Variants in SEMA3E observed in about 807,000 individuals in gnomAD.
SEMA3E encodes semaphorin-3E.
A neutral mutation model predicts 93.6 loss-of-function variants in SEMA3E; 49 were observed. The ratio of observed to expected loss-of-function variants is 0.52; its 90% CI spans 0.42 to 0.66. SEMA3E has a LOEUF of 0.66. Among genes scored for constraint, SEMA3E ranks in the 30% least tolerant of loss-of-function variants. The pLI is 0.00. For missense variants in SEMA3E, 906 were observed against 964.8 expected (o/e 0.94, Z 0.81); for synonymous variants, 363 against 330.7 (o/e 1.10, Z -1.06).
chr7:83,640,886 A>G (rs1326321280), intron 1 of SEMA3E, among the ~76,000 whole-genome samples: 2 of 152,052 alleles, frequency 1.3e-5, no homozygotes, highest in Non-Finnish European at 2.9e-5. Context: ...GTATAGTGAT[A>G]ACCCAGAAAT....
At chr7:83,574,086 T>C (rs1216185509) in intron 1 of SEMA3E, among the ~76,000 whole-genome samples, 1 of 152,098 alleles carries the variant, frequency 6.6e-6, no homozygotes, top group Non-Finnish European at 1.5e-5. Context: ...AATACTATCC[T>C]TGACTTTTTC....
intron 1 of SEMA3E, among the ~76,000 whole-genome samples, chr7:83,529,194 A>G (rs762010866): frequency 6.6e-6 from 1 of 152,112 alleles, no homozygotes; most frequent in Non-Finnish European, 1.5e-5. Context: ...GATAAAGGGG[A>G]TGAAAGGTCA....
intron 1 of SEMA3E, among the ~76,000 whole-genome samples, chr7:83,537,075 TC>T (rs1791424083): frequency 6.6e-6 from 1 of 151,866 alleles, no homozygotes; most frequent in Non-Finnish European, 1.5e-5. Flanking sequence ...TTTCTTCTCT[TC>T]CCCTCTCTCT....
chr7:83,616,187 G>C (rs71557181), intron 1 of SEMA3E, among the ~76,000 whole-genome samples: 4,789 of 152,172 alleles, frequency 0.031, 97 homozygotes, highest in Non-Finnish European at 0.045. Flanking sequence ...TTGGCAAAGA[G>C]AGTATATGTA....
intron 2 of SEMA3E, among the ~76,000 whole-genome samples, chr7:83,479,307 C>T (rs1431911884): frequency 3.9e-5 from 6 of 152,192 alleles, no homozygotes; most frequent in Non-Finnish European, 5.9e-5. Flanking sequence ...TCCTCCGAAA[C>T]TTTCTTAGCA....
chr7:83,396,702 G>T lies in SEMA3E; in HGVS notation c.1394C>A (p.Thr465Lys). Residue 465 changes from threonine to lysine, a missense_variant, in exon 12 of 17, where the codon ACA becomes AAA. Physicochemically the swap from Thr to Lys is moderately conservative, Grantham distance 78. Transcript: ENST00000643230. ...TDNGIVLKVI[T>K]IYNQEMESME... ...TGATTCCATTTCTTGGTTGTAAATT[G>T]TGATTACTTTCAGCACAATTCCATT... is the stretch of plus-strand genomic sequence containing the variant. The T allele has an allele frequency of 1.2e-6, 2 of 1,604,022 alleles. No individual in the cohort carries two copies. The highest frequency in any genetic ancestry group is 1.7e-6 in the Non-Finnish European group (2 of 1,172,532).
chr7:83,423,354 C>T (rs1788706159), intron 4 of SEMA3E, among the ~76,000 whole-genome samples: 1 of 152,046 alleles, frequency 6.6e-6, no homozygotes, highest in Non-Finnish European at 1.5e-5. Flanking sequence ...TGACTAAACC[C>T]TCCTTTCTCA....
intron 4 of SEMA3E, among the ~76,000 whole-genome samples, chr7:83,444,260 GT>G (rs1789179713): frequency 6.6e-6 from 1 of 152,144 alleles, no homozygotes; most frequent in Admixed American, 6.5e-5. Context: ...AGAGAATATA[GT>G]CTTTGAAACA....
chr7:83,615,642 C>G (rs1404460933), intron 1 of SEMA3E, among the ~76,000 whole-genome samples: 1 of 152,142 alleles, frequency 6.6e-6, no homozygotes, highest in African/African-American at 2.4e-5. Context: ...CACGCCCCAT[C>G]ATTTTTTACT....
At chr7:83,528,144 T>C (rs17505754) in intron 1 of SEMA3E, among the ~76,000 whole-genome samples, 1 of 151,754 alleles carries the variant, frequency 6.6e-6, no homozygotes, top group Non-Finnish European at 1.5e-5. Flanking sequence ...GTTAGCCTAC[T>C]GACAATACTG....
chr7:83,611,578 G>A (rs1260097662), intron 1 of SEMA3E, among the ~76,000 whole-genome samples: 3 of 151,072 alleles, frequency 2.0e-5, no homozygotes, highest in Admixed American at 6.6e-5. Flanking sequence ...TCTTCCAGCT[G>A]TTCAGGCCAA....
intron 1 of SEMA3E, among the ~76,000 whole-genome samples, chr7:83,526,374 C>G (rs1217910958): frequency 6.6e-6 from 1 of 151,924 alleles, no homozygotes; most frequent in Non-Finnish European, 1.5e-5. Flanking sequence ...GTTCTACCTA[C>G]TTCAAAGAAA....
chr7:83,627,628 C>CTTTTTTTTTTTTTTTT (rs746550123), intron 1 of SEMA3E, among the ~76,000 whole-genome samples: 163 of 65,338 alleles, frequency 2.5e-3, no homozygotes, highest in Middle Eastern at 0.017. Flanking sequence ...GCAACCCCTG[C>CTTTTTTTTTTTTTTTT]TTTTTTTTTT....
intron 1 of SEMA3E, among the ~76,000 whole-genome samples, chr7:83,634,063 A>G (rs1404876405): frequency 6.6e-6 from 1 of 152,228 alleles, no homozygotes; most frequent in Non-Finnish European, 1.5e-5. Flanking sequence ...CTAACTATCC[A>G]ATAGATATAA....
chr7:83,494,954 A>G (rs573607769), intron 1 of SEMA3E, among the ~76,000 whole-genome samples: 34 of 152,086 alleles, frequency 2.2e-4, no homozygotes, highest in African/African-American at 7.2e-4. Context: ...TGGAAGCCAC[A>G]TGGTAAAAAG....
At chr7:83,488,246 GAAGAA>G (rs979313440) in intron 2 of SEMA3E, among the ~76,000 whole-genome samples, 124 of 152,114 alleles carry the variant, frequency 8.2e-4, no homozygotes, top group African/African-American at 2.9e-3. Context: ...AGAATGAAGA[GAAGAA>G]AAGATACAAC....
chr7:83,453,554 A>T (rs1041029404), intron 4 of SEMA3E, among the ~76,000 whole-genome samples: 3 of 152,178 alleles, frequency 2.0e-5, no homozygotes, highest in Non-Finnish European at 4.4e-5. Context: ...GCAGAATGAA[A>T]AACTCATAGA....
rs115060433 is a variant in SEMA3E, at chr7:83,551,348, C to T, written c.116-61074G>A. Among the ~76,000 whole-genome samples, 1,227 of 152,198 alleles carry T rather than the reference C, an allele frequency of 8.1e-3. 10 individuals are homozygous for T. The highest frequency in any genetic ancestry group is 0.028 in the African/African-American group (1,177 of 41,550). On this transcript the variant is annotated intron_variant, in intron 1 of 16. Coordinates refer to ENST00000643230, the MANE Select transcript of SEMA3E (RefSeq NM_012431.3). ...CAACAGTGTGAAAGAGTCTTCAAAA[C>T]TTCATATTGATTGCAATAAAAACAC...
At chr7:83,610,319 C>A (rs1793224420) in intron 1 of SEMA3E, among the ~76,000 whole-genome samples, 2 of 152,024 alleles carry the variant, frequency 1.3e-5, no homozygotes, top group Non-Finnish European at 2.9e-5. Flanking sequence ...CTGAGTAAAT[C>A]TAGAGCCATT....
Sources: gnomAD v4.1 joint callset for allele counts (sites outside exome capture counted in the v4.1 genomes callset) on GRCh38, gnomAD v4.1.1 for gene constraint, MANE v1.5 for transcripts, NCBI Gene and HGNC (gene_info 2026-07-23, HGNC 2026-07-21) for gene names.